Variants in PRKDC observed in about 807,000 individuals in gnomAD.
PRKDC encodes the protein protein kinase, DNA-activated, catalytic subunit.
PRKDC carries 82 observed loss-of-function variants against 486.9 expected under a neutral mutation model. The ratio of observed to expected loss-of-function variants is 0.17; its 90% CI spans 0.14 to 0.20. The LOEUF (loss-of-function observed/expected upper bound fraction) is 0.20. PRKDC is among the 10% of genes least tolerant of loss of function. The pLI is 1.00. For synonymous variants in PRKDC, 1,895 were observed against 1,837.0 expected (o/e 1.03, Z -0.81); for missense variants, 4,504 against 5,038.2 (o/e 0.89, Z 3.21).
chr8:47,833,846 T>C (rs946272125), intron 59 of PRKDC, among the ~76,000 whole-genome samples: 3 of 152,168 alleles, frequency 2.0e-5, no homozygotes, highest in Middle Eastern at 6.8e-3. Flanking sequence ...CCCAGTCTTT[T>C]TGGACGCTCT....
At chr8:47,823,563 G>A (rs140062265) in intron 64 of PRKDC, among the ~76,000 whole-genome samples, 1 of 151,836 alleles carries the variant, frequency 6.6e-6, no homozygotes, top group Non-Finnish European at 1.5e-5. Flanking sequence ...AGAAATGCAA[G>A]AACAGCCTAA....
At chr8:47,862,824 G>C (rs1192846455) in intron 42 of PRKDC, among the ~76,000 whole-genome samples, 1 of 152,194 alleles carries the variant, frequency 6.6e-6, no homozygotes, top group Non-Finnish European at 1.5e-5. Flanking sequence ...ACAGACAACA[G>C]CCTAGTCATG....
chr8:47,789,539 G>A (rs534987149), intron 74 of PRKDC, among the ~76,000 whole-genome samples: 23 of 152,042 alleles, frequency 1.5e-4, no homozygotes, highest in Middle Eastern at 3.4e-3. Flanking sequence ...GAGGGAATAC[G>A]TCCAAACTCA....
intron 19 of PRKDC, among the ~76,000 whole-genome samples, chr8:47,928,279 G>A (rs1182082482): frequency 6.7e-6 from 1 of 149,974 alleles, no homozygotes; most frequent in African/African-American, 2.5e-5. Flanking sequence ...GGCATCCCAA[G>A]TAGGTGGGAT....
Position 47,836,406 on chromosome 8 carries a change from C to G in PRKDC, c.7883G>C (p.Arg2628Pro), listed in dbSNP as rs572835600. Reference sequence around the variant, plus strand: ...CCTTATCTGCCCTGCCACTGGCCAGCGAGCTGAGAGGGACCCTTCCTGGGT... The same window carrying G: ...CCTTATCTGCCCTGCCACTGGCCAGGGAGCTGAGAGGGACCCTTCCTGGGT... ...TRTQEGSLSA[R>P]WPVAGQIRAT... The change falls in exon 58 of 86, where the codon CGC becomes CCC. Residue 2628 changes from arginine to proline, a missense_variant. Transcript: ENST00000314191. 3 of 1,611,620 alleles carry G rather than the reference C, an allele frequency of 1.9e-6. No individual in the cohort carries two copies. Among genetic ancestry groups the G allele is most frequent in the East Asian group, 2.2e-5 (1 of 44,814 alleles).
chr8:47,953,158 A>C (rs2090653184), intron 7 of PRKDC, among the ~76,000 whole-genome samples: 2 of 151,840 alleles, frequency 1.3e-5, no homozygotes, highest in South Asian at 4.2e-4. Flanking sequence ...AAAGAAAGTA[A>C]TTTGCCAGGT....
chr8:47,903,692 C>T (rs1377745877), intron 26 of PRKDC, among the ~76,000 whole-genome samples: 2 of 152,130 alleles, frequency 1.3e-5, no homozygotes, highest in African/African-American at 2.4e-5. Context: ...TCAACTATCT[C>T]GTTTTACTTA....
chr8:47,799,533 C>T, intron 71 of PRKDC, 143 bp from the exon 72 acceptor site: 1 of 854,158 alleles, frequency 1.2e-6, no homozygotes, highest in African/African-American at 1.7e-5. Context: ...AAACAAGAGT[C>T]CACCCTGGCT....
In PRKDC at chr8:47,803,174, C is replaced by T. The variant is rs200729654; in HGVS notation, c.9922+132G>A. ...AACTATCATTCTCTGGCTCACTTTG[C>T]TATATTCCCTGAAATTACTGCAAAG... On this transcript the variant is annotated intron_variant, in intron 70 of 85. Coordinates refer to ENST00000314191, the MANE Select transcript of PRKDC (RefSeq NM_006904.7). The T allele has an allele frequency of 9.4e-5, 80 of 854,040 alleles. No individual in the cohort carries two copies. In the East Asian group the frequency reaches 2.1e-3, roughly 22 times the overall value. The allele number at this position is 854,040 out of a possible 1,614,324, so 52.9% of individuals were successfully genotyped here. A position where few individuals can be genotyped will look rare whatever the true frequency, so the allele number is the denominator to read the frequency against.
chr8:47,938,186 C>T (rs961736177), intron 11 of PRKDC, among the ~76,000 whole-genome samples: 5 of 151,414 alleles, frequency 3.3e-5, no homozygotes, highest in Admixed American at 2.6e-4. Flanking sequence ...GTGGGCGGAT[C>T]ACCTGAGGTC....
At chr8:47,859,007 G>A (rs2088613215) in intron 46 of PRKDC, 21 bp from the exon 47 acceptor site, 3 of 1,610,412 alleles carry the variant, frequency 1.9e-6, no homozygotes, top group Middle Eastern at 1.7e-4. Flanking sequence ...GAGGGCCCAG[G>A]AGAGCAGAGG....
chr8:47,847,484 T>C (rs978942542), intron 54 of PRKDC, among the ~76,000 whole-genome samples: 2 of 151,980 alleles, frequency 1.3e-5, no homozygotes, highest in East Asian at 1.9e-4. Context: ...TATCACCACA[T>C]AAAAAAATTA....
chr8:47,838,368 C>A (rs551837636), intron 56 of PRKDC, among the ~76,000 whole-genome samples: 111 of 152,132 alleles, frequency 7.3e-4, no homozygotes, highest in Non-Finnish European at 1.4e-3. Flanking sequence ...AAAATCCCGG[C>A]ACTTTGGCAA....
intron 33 of PRKDC, 115 bp downstream of exon 33, chr8:47,888,899 A>T (rs2089393679): frequency 1.7e-6 from 2 of 1,155,436 alleles, no homozygotes; most frequent in Non-Finnish European, 2.5e-6. Context: ...GGCAGCAAAC[A>T]TCCCACTGAT....
intron 30 of PRKDC, among the ~76,000 whole-genome samples, chr8:47,896,089 A>C (rs2089574656): frequency 6.6e-6 from 1 of 152,196 alleles, no homozygotes; most frequent in African/African-American, 2.4e-5. Flanking sequence ...CAATTATCTA[A>C]ATTAAAACAC....
rs1452304843 is a variant in PRKDC, at chr8:47,797,444, A to G, written c.10458+793T>C. Among the ~76,000 whole-genome samples, 4 of 152,350 alleles carry G rather than the reference A, an allele frequency of 2.6e-5. No individual in the cohort carries two copies. In the East Asian group the frequency reaches 7.7e-4, roughly 29 times the overall value. ...GCAGAAAAAGGTGGAAGGAGTGGTT[A>G]GGGCCCTAAAAGTCAAACTGGGTCC... On this transcript the variant is annotated intron_variant, in intron 73 of 85. Coordinates refer to ENST00000314191, the MANE Select transcript of PRKDC (RefSeq NM_006904.7).
chr8:47,801,785 G>A (rs1252162612), intron 70 of PRKDC, among the ~76,000 whole-genome samples: 1 of 152,154 alleles, frequency 6.6e-6, no homozygotes, highest in Non-Finnish European at 1.5e-5. Flanking sequence ...TAAGTCTGCA[G>A]TGTCCAGAGG....
chr8:47,817,366 T>A, intron 68 of PRKDC, 84 bp downstream of exon 68: 1 of 1,001,016 alleles, frequency 1.0e-6, no homozygotes, highest in Non-Finnish European at 1.5e-6. Flanking sequence ...ATCCCACATT[T>A]CTCTAAACCA....
At chr8:47,789,075 A>G (rs2086841030) in intron 75 of PRKDC, 26 bp from the exon 76 acceptor site, 1 of 1,612,244 alleles carries the variant, frequency 6.2e-7, no homozygotes, top group Non-Finnish European at 8.5e-7. Flanking sequence ...AAAAGTAAGA[A>G]AAAAATCAAG....
Sources: allele counts gnomAD v4.1 joint callset (sites outside exome capture counted in the v4.1 genomes callset), GRCh38; gene constraint gnomAD v4.1.1; transcripts MANE v1.5; gene names NCBI Gene and HGNC (gene_info 2026-07-23, HGNC 2026-07-21).